The following AGMO variants were observed in gnomAD, a reference collection of about 807,000 sequenced individuals.
The protein encoded by AGMO is glyceryl-ether monooxygenase.
A neutral mutation model predicts 60.2 loss-of-function variants in AGMO; 75 were observed. That is an observed-to-expected ratio of 1.25 (90% CI 1.03 to 1.51). The LOEUF is 1.51. Among genes scored for constraint, AGMO ranks in the 40% most tolerant of loss-of-function variants. The probability of loss-of-function intolerance (pLI) is 0.00; values close to 1 mark genes in which losing one functional copy is unlikely to be tolerated. For synonymous variants in AGMO, 261 were observed against 177.1 expected (o/e 1.47, Z -3.76); for missense variants, 763 against 525.5 (o/e 1.45, Z -4.42).
intron 12 of AGMO, among the ~76,000 whole-genome samples, chr7:15,225,511 A>G (rs1355140722): frequency 2.0e-5 from 3 of 151,988 alleles, no homozygotes. Flanking sequence ...TTACCATCCT[A>G]CCAGAAGTAT....
the AGMO span, among the ~76,000 whole-genome samples, chr7:15,147,781 G>A: frequency 6.6e-6 from 1 of 152,118 alleles, no homozygotes; most frequent in Non-Finnish European, 1.5e-5. Flanking sequence ...AGTAGCCTCT[G>A]CCATAGTCAG....
At chr7:15,120,100 C>T in the AGMO span, among the ~76,000 whole-genome samples, 1 of 152,012 alleles carries the variant, frequency 6.6e-6, no homozygotes, top group Non-Finnish European at 1.5e-5. Context: ...CTGCAATTTA[C>T]CCTCTCCCTA....
the AGMO span, among the ~76,000 whole-genome samples, chr7:15,121,328 T>A: frequency 1.3e-5 from 2 of 152,152 alleles, no homozygotes; most frequent in African/African-American, 4.8e-5. Context: ...ATCCTTTGGG[T>A]ATATACCCAG....
intron 12 of AGMO, among the ~76,000 whole-genome samples, chr7:15,223,702 A>G (rs1220307027): frequency 1.3e-5 from 2 of 152,014 alleles, no homozygotes; most frequent in Non-Finnish European, 2.9e-5. Context: ...CACCTAGACA[A>G]TGCATAGTCT....
chr7:15,278,314 C>A (rs1020690035), intron 12 of AGMO, among the ~76,000 whole-genome samples: 3 of 152,196 alleles, frequency 2.0e-5, no homozygotes, highest in Middle Eastern at 3.4e-3. Flanking sequence ...TTTAGGTCAG[C>A]CTGACCTTAG....
intron 12 of AGMO, among the ~76,000 whole-genome samples, chr7:15,336,097 A>T (rs1194624126): frequency 6.6e-6 from 1 of 152,094 alleles, no homozygotes; most frequent in Non-Finnish European, 1.5e-5. Flanking sequence ...AACTACTACT[A>T]TTCCTTCTAT....
At chr7:15,211,705 C>A (rs150918319) in intron 12 of AGMO, among the ~76,000 whole-genome samples, 6 of 151,886 alleles carry the variant, frequency 4.0e-5, no homozygotes, top group Admixed American at 1.3e-4. Context: ...CTGTTTTGTT[C>A]TTTCATATTT....
intron 12 of AGMO, among the ~76,000 whole-genome samples, chr7:15,275,291 T>C (rs1288853485): frequency 6.6e-6 from 1 of 152,182 alleles, no homozygotes; most frequent in Non-Finnish European, 1.5e-5. Flanking sequence ...CTTTAGTTTC[T>C]TTCTTTACCC....
At chr7:15,268,229 G>C (rs1783490163) in intron 12 of AGMO, among the ~76,000 whole-genome samples, 1 of 151,862 alleles carries the variant, frequency 6.6e-6, no homozygotes, top group East Asian at 1.9e-4. Context: ...TGTTTAATCA[G>C]GATTTGGATC....
chr7:15,155,419 C>CTTTTTTTTTTTTTTTTT, the AGMO span, among the ~76,000 whole-genome samples: 14 of 63,914 alleles, frequency 2.2e-4, 1 homozygote, highest in South Asian at 6.4e-4. Context: ...TACAGAATTT[C>CTTTTTTTTTTTTTTTTT]TTTTTTTTTT....
chr7:15,508,265 T>C (rs1422029253), intron 3 of AGMO, among the ~76,000 whole-genome samples: 4 of 152,060 alleles, frequency 2.6e-5, no homozygotes, highest in African/African-American at 4.8e-5. Context: ...TGACCAAAAC[T>C]TAGAAGAATT....
intron 12 of AGMO, among the ~76,000 whole-genome samples, chr7:15,265,655 TG>T (rs1485622977): frequency 6.6e-6 from 1 of 152,076 alleles, no homozygotes; most frequent in African/African-American, 2.4e-5. Flanking sequence ...AACAAGCTTT[TG>T]CCAGAATATA....
At chr7:15,497,665 C>A (rs1433487588) in intron 3 of AGMO, among the ~76,000 whole-genome samples, 2 of 151,990 alleles carry the variant, frequency 1.3e-5, no homozygotes, top group African/African-American at 4.8e-5. Context: ...CACAAGAACA[C>A]AATTAATTGA....
At chr7:15,259,193 T>G (rs923430724) in intron 12 of AGMO, among the ~76,000 whole-genome samples, 6 of 151,626 alleles carry the variant, frequency 4.0e-5, no homozygotes, top group African/African-American at 1.5e-4. Context: ...TTCAGTGAAA[T>G]AGATAGCATA....
intron 5 of AGMO, among the ~76,000 whole-genome samples, chr7:15,398,321 C>T (rs997827857): frequency 1.3e-5 from 2 of 152,092 alleles, no homozygotes; most frequent in Non-Finnish European, 2.9e-5. Context: ...TCTTTTGCTC[C>T]TGCAGGCTAA....
the AGMO span, among the ~76,000 whole-genome samples, chr7:15,194,313 A>G: frequency 6.6e-6 from 1 of 152,166 alleles, no homozygotes; most frequent in South Asian, 2.1e-4. Context: ...CAGCACATGA[A>G]TAGCTACTGC....
Position 15,200,495 on chromosome 7 carries a change from T to C in AGMO, c.*790A>G, listed in dbSNP as rs1781246173. 1 of 152,118 alleles carries C rather than the reference T, an allele frequency of 6.6e-6. No individual in the cohort carries two copies. Among genetic ancestry groups the C allele is most frequent in the African/African-American group, 2.4e-5 (1 of 41,358 alleles). The allele number at this position is 152,118 out of a possible 1,614,324, so 9.4% of individuals were successfully genotyped here. On this transcript the variant is annotated 3_prime_UTR_variant, in exon 13 of 13. Coordinates refer to ENST00000342526, the MANE Select transcript of AGMO (RefSeq NM_001004320.2). Reference sequence around the variant, plus strand: ...CAAATTCTGTTCATTTTTCTTTCAGTGATGTCTTTTTTCTTTGAGACGGAG... The same window carrying C: ...CAAATTCTGTTCATTTTTCTTTCAGCGATGTCTTTTTTCTTTGAGACGGAG...
chr7:15,188,514 G>C, the AGMO span, among the ~76,000 whole-genome samples: 2 of 152,172 alleles, frequency 1.3e-5, no homozygotes, highest in Non-Finnish European at 2.9e-5. Context: ...TAGTTAAAGA[G>C]AGATTTATGA....
At chr7:15,392,351 G>A (rs1444027070) in intron 6 of AGMO, among the ~76,000 whole-genome samples, 2 of 152,050 alleles carry the variant, frequency 1.3e-5, no homozygotes, top group South Asian at 2.1e-4. Flanking sequence ...GATTACAGGC[G>A]TGAGTCAACA....
Sources: gnomAD v4.1 joint callset for allele counts (sites outside exome capture counted in the v4.1 genomes callset) on GRCh38, gnomAD v4.1.1 for gene constraint, MANE v1.5 for transcripts, NCBI Gene and HGNC (gene_info 2026-07-23, HGNC 2026-07-21) for gene names.